MED13L: variants seen among roughly 807,000 people sequenced by gnomAD.
MED13L encodes the protein mediator complex subunit 13L.
Under a neutral mutation model 220.9 loss-of-function variants are expected in MED13L, and 7 were observed. The observed-to-expected ratio is 0.03, with a 90% CI of 0.02 to 0.06. The LOEUF is 0.06. MED13L is among the 10% of genes least tolerant of loss of function. The pLI, the probability that MED13L is intolerant of heterozygous loss-of-function variation, is 1.00. For synonymous variants in MED13L, 1,011 were observed against 1,015.2 expected (o/e 1.00, Z 0.08); for missense variants, 1,965 against 2,760.5 (o/e 0.71, Z 6.46).
At position 116,098,321 on chromosome 12, in the gene MED13L, T is replaced by C. The variant is rs549486288; in HGVS notation, c.396-1569A>G. ...GGGGGAAATGGGGAAAATGTGCACA[T>C]TTGGAACTACTGAAATACAGTTATC... On this transcript the variant is annotated intron_variant, in intron 3 of 30. Coordinates refer to ENST00000281928, the MANE Select transcript of MED13L (RefSeq NM_015335.5). 4.6e-5 allele frequency among the ~76,000 whole-genome samples: 7 copies of C among 152,164 alleles called. No individual in the cohort carries two copies. The South Asian group carries it at 1.5e-3, about 32-fold the overall frequency.
chr12:116,096,334 G>A (rs1199223892), intron 4 of MED13L, among the ~76,000 whole-genome samples: 2 of 87,730 alleles, frequency 2.3e-5, no homozygotes, highest in African/African-American at 9.4e-5. Context: ...CAGCCTGGGT[G>A]ACAGAGTGAG....
At chr12:116,197,178 C>T (rs1881686457) in intron 2 of MED13L, among the ~76,000 whole-genome samples, 1 of 152,190 alleles carries the variant, frequency 6.6e-6, no homozygotes, top group African/African-American at 2.4e-5. Context: ...GAAAATACAG[C>T]AGCAGTCCTG....
chr12:115,971,093 T>C (rs1189498176), intron 26 of MED13L, among the ~76,000 whole-genome samples: 1 of 152,216 alleles, frequency 6.6e-6, no homozygotes, highest in Non-Finnish European at 1.5e-5. Flanking sequence ...TCACAATTTA[T>C]AAAGTACTGT....
At chr12:115,971,496 G>A (rs1337310163) in intron 26 of MED13L, among the ~76,000 whole-genome samples, 8 of 152,114 alleles carry the variant, frequency 5.3e-5, no homozygotes, top group East Asian at 1.9e-4. Context: ...ATATAAAATC[G>A]CTCAGTTACT....
At chr12:116,095,494 G>A (rs1049679644) in intron 4 of MED13L, among the ~76,000 whole-genome samples, 2 of 152,192 alleles carry the variant, frequency 1.3e-5, no homozygotes, top group Non-Finnish European at 1.5e-5. Context: ...AGGCAGACAG[G>A]TTGAGTGAGA....
intron 4 of MED13L, among the ~76,000 whole-genome samples, chr12:116,069,659 C>A (rs1159623402): frequency 6.6e-6 from 1 of 152,140 alleles, no homozygotes; most frequent in Non-Finnish European, 1.5e-5. Flanking sequence ...CTCTTTAATA[C>A]ACGTAGTGCA....
At chr12:116,243,295 A>G (rs959317095) in intron 1 of MED13L, among the ~76,000 whole-genome samples, 1 of 152,166 alleles carries the variant, frequency 6.6e-6, no homozygotes, top group Non-Finnish European at 1.5e-5. Context: ...AGGAGGATGC[A>G]AATTTTTTTG....
At chr12:116,225,751 G>A (rs1868916273) in intron 2 of MED13L, among the ~76,000 whole-genome samples, 1 of 152,116 alleles carries the variant, frequency 6.6e-6, no homozygotes, top group South Asian at 2.1e-4. Context: ...CAATCTTAAT[G>A]AAGAGACCTC....
At chr12:116,107,338 C>T (rs1206987836) in intron 3 of MED13L, among the ~76,000 whole-genome samples, 5 of 152,056 alleles carry the variant, frequency 3.3e-5, no homozygotes. Context: ...GTAGTTTCAA[C>T]AAATACTGAA....
At chr12:116,000,563 G>C (rs1250247131) in intron 14 of MED13L, among the ~76,000 whole-genome samples, 10 of 152,076 alleles carry the variant, frequency 6.6e-5, no homozygotes, top group Admixed American at 6.6e-4. Context: ...CTTCCAAACC[G>C]TAAGGACTCT....
intron 2 of MED13L, among the ~76,000 whole-genome samples, chr12:116,232,796 A>T (rs1317877847): frequency 1.3e-5 from 2 of 152,148 alleles, no homozygotes; most frequent in East Asian, 3.9e-4. Flanking sequence ...TTATTTAAAA[A>T]GCATTTGTTG....
chr12:116,218,558 C>T (rs1252542987), intron 2 of MED13L, among the ~76,000 whole-genome samples: 1 of 151,868 alleles, frequency 6.6e-6, no homozygotes, highest in Non-Finnish European at 1.5e-5. Context: ...AAAGTTTTAA[C>T]CAGCATTTTT....
intron 9 of MED13L, among the ~76,000 whole-genome samples, chr12:116,009,562 T>C (rs1414882463): frequency 6.6e-6 from 1 of 152,214 alleles, no homozygotes; most frequent in Non-Finnish European, 1.5e-5. Flanking sequence ...TTATAATGGC[T>C]TGTAGTGCTG....
chr12:115,993,069 T>C (rs149848581), intron 16 of MED13L, among the ~76,000 whole-genome samples: 136 of 152,162 alleles, frequency 8.9e-4, no homozygotes, highest in African/African-American at 3.2e-3. Context: ...AGCATTTACA[T>C]TGTATTAGGC....
chr12:116,169,694 AG>A (rs1177022908), intron 2 of MED13L, among the ~76,000 whole-genome samples: 2 of 152,230 alleles, frequency 1.3e-5, no homozygotes, highest in Admixed American at 1.3e-4. Flanking sequence ...ATTTGCTAAA[AG>A]GTTAGTTGAA....
chr12:116,001,022 T>G (rs1348993399), intron 14 of MED13L, among the ~76,000 whole-genome samples: 1 of 152,178 alleles, frequency 6.6e-6, no homozygotes, highest in East Asian at 1.9e-4. Flanking sequence ...TGCAATAATT[T>G]TATACTAATT....
chr12:116,140,146 C>T (rs908070584), intron 2 of MED13L, among the ~76,000 whole-genome samples: 1 of 151,968 alleles, frequency 6.6e-6, no homozygotes, highest in African/African-American at 2.4e-5. Context: ...AAAACATACT[C>T]CCCCCCTTTC....
intron 28 of MED13L, among the ~76,000 whole-genome samples, chr12:115,967,418 G>A (rs1259672989): frequency 6.6e-6 from 1 of 152,082 alleles, no homozygotes; most frequent in Non-Finnish European, 1.5e-5. Context: ...ATTGAAAAAG[G>A]CCACCTGGCT....
At chr12:116,086,953 G>A (rs1871747452) in intron 4 of MED13L, among the ~76,000 whole-genome samples, 1 of 152,046 alleles carries the variant, frequency 6.6e-6, no homozygotes, top group Non-Finnish European at 1.5e-5. Context: ...CATTATTTTA[G>A]GGGTAAAATC....
Sources: allele counts gnomAD v4.1 joint callset (sites outside exome capture counted in the v4.1 genomes callset), GRCh38; gene constraint gnomAD v4.1.1; transcripts MANE v1.5; gene names NCBI Gene and HGNC (gene_info 2026-07-23, HGNC 2026-07-21).